The following ZFYVE9 variants were observed in gnomAD, a reference collection of about 807,000 sequenced individuals.
ZFYVE9 encodes zinc finger FYVE-type containing 9, also known as zinc finger FYVE domain-containing protein 9.
Under a neutral mutation model 126.7 loss-of-function variants are expected in ZFYVE9, and 43 were observed. The observed-to-expected ratio is 0.34, with a 90% CI of 0.27 to 0.44. The LOEUF (loss-of-function observed/expected upper bound fraction) is 0.44. Ranked by LOEUF, ZFYVE9 falls within the 20% of genes least tolerant of loss-of-function variation. The pLI, the probability that ZFYVE9 is intolerant of heterozygous loss-of-function variation, is 1.00. For missense variants in ZFYVE9, 1,476 were observed against 1,697.0 expected (o/e 0.87, Z 2.29); for synonymous variants, 521 against 597.4 (o/e 0.87, Z 1.87).
At chr1:52,226,941 A>T (rs575948245) in intron 2 of ZFYVE9, among the ~76,000 whole-genome samples, 1 of 152,278 alleles carries the variant, frequency 6.6e-6, no homozygotes, top group East Asian at 1.9e-4. Flanking sequence ...AATGGGAGGG[A>T]TGTTTGCCCT....
chr1:52,201,052 G>T (rs1415814475), intron 1 of ZFYVE9, among the ~76,000 whole-genome samples: 1 of 152,120 alleles, frequency 6.6e-6, no homozygotes, highest in Non-Finnish European at 1.5e-5. Context: ...GGATTGTGTT[G>T]AATCTGTAGA....
intron 4 of ZFYVE9, among the ~76,000 whole-genome samples, chr1:52,241,186 T>G (rs1368307589): frequency 6.6e-6 from 1 of 152,100 alleles, no homozygotes; most frequent in East Asian, 1.9e-4. Flanking sequence ...CTTAAATGTA[T>G]ACAATAAAAT....
intron 7 of ZFYVE9, among the ~76,000 whole-genome samples, chr1:52,272,007 T>C (rs1412865252): frequency 4.0e-5 from 6 of 151,870 alleles, no homozygotes; most frequent in Admixed American, 3.9e-4. Context: ...ACCTGGCAAA[T>C]TTTGTATTTT....
At chr1:52,193,394 A>C (rs1452193452) in intron 1 of ZFYVE9, among the ~76,000 whole-genome samples, 1 of 1,588 alleles carries the variant, frequency 6.3e-4, no homozygotes, top group Non-Finnish European at 2.8e-3. Flanking sequence ...TGTCAGTATC[A>C]AAAAAAAAAA....
chr1:52,306,182 G>T (rs1646083144), intron 13 of ZFYVE9, among the ~76,000 whole-genome samples: 1 of 152,176 alleles, frequency 6.6e-6, no homozygotes, highest in Non-Finnish European at 1.5e-5. Flanking sequence ...GGCTGTCCAT[G>T]CACCAGTCGG....
chr1:52,321,376 A>T (rs1349352841), intron 13 of ZFYVE9, among the ~76,000 whole-genome samples: 2 of 152,230 alleles, frequency 1.3e-5, no homozygotes, highest in African/African-American at 4.8e-5. Context: ...TCTTAAAGGA[A>T]TGAAAGGAGT....
At chr1:52,318,625 T>TA (rs1447261671) in intron 13 of ZFYVE9, among the ~76,000 whole-genome samples, 1 of 151,730 alleles carries the variant, frequency 6.6e-6, no homozygotes, top group Non-Finnish European at 1.5e-5. Flanking sequence ...ATTATATATA[T>TA]AAAAAAAGAC....
chr1:52,286,945 G>A (rs555477081), intron 10 of ZFYVE9, among the ~76,000 whole-genome samples: 66 of 151,942 alleles, frequency 4.3e-4, no homozygotes, highest in African/African-American at 1.5e-3. Flanking sequence ...ACTCCCAACC[G>A]TGCTATTTCC....
At chr1:52,224,736 CAG>C (rs1174418745) in intron 2 of ZFYVE9, among the ~76,000 whole-genome samples, 19 of 152,122 alleles carry the variant, frequency 1.2e-4, no homozygotes, top group South Asian at 2.1e-4. Flanking sequence ...AGGGGACTGT[CAG>C]GGGGAATTTT....
chr1:52,180,855 A>T (rs963760994), intron 1 of ZFYVE9, among the ~76,000 whole-genome samples: 8 of 151,668 alleles, frequency 5.3e-5, no homozygotes, highest in Admixed American at 3.3e-4. Flanking sequence ...CATGCCTGTA[A>T]TCCCAGTTAC....
At chr1:52,159,931 GACT>G (rs1274608385) in intron 1 of ZFYVE9, among the ~76,000 whole-genome samples, 2 of 151,872 alleles carry the variant, frequency 1.3e-5, no homozygotes, top group Non-Finnish European at 2.9e-5. Flanking sequence ...GAGTAGCTGG[GACT>G]ACAGGCACCC....
chr1:52,190,981 A>C (rs1297052962), intron 1 of ZFYVE9, among the ~76,000 whole-genome samples: 1 of 151,952 alleles, frequency 6.6e-6, no homozygotes, highest in African/African-American at 2.4e-5. Context: ...CTTCAGCTGT[A>C]GTACAGTGGC....
chr1:52,191,978 G>A (rs1644819803), intron 1 of ZFYVE9, among the ~76,000 whole-genome samples: 1 of 151,476 alleles, frequency 6.6e-6, no homozygotes, highest in Admixed American at 6.6e-5. Context: ...ATATTAAATG[G>A]ACATGGTCTT....
chr1:52,341,096 T>C (rs968153684), intron 17 of ZFYVE9, among the ~76,000 whole-genome samples: 2 of 152,154 alleles, frequency 1.3e-5, no homozygotes, highest in African/African-American at 4.8e-5. Flanking sequence ...GGTGCATGCC[T>C]GTAATCCCAG....
At chr1:52,252,344 TTTTTGTTTTGTTTTG>T (rs58602754) in intron 4 of ZFYVE9, 8,984 of 155,894 alleles carry the variant, frequency 0.058, 297 homozygotes, top group African/African-American at 0.077. Flanking sequence ...TTTTGGGGTT[TTTTTGTTTTGTTTTG>T]TTTTGTTTTG....
At chr1:52,314,778 C>T (rs1646167920) in intron 13 of ZFYVE9, among the ~76,000 whole-genome samples, 1 of 151,814 alleles carries the variant, frequency 6.6e-6, no homozygotes, top group Non-Finnish European at 1.5e-5. Context: ...CACCACTGCA[C>T]TCCAACTTGG....
chr1:52,237,340 AT>A, intron 3 of ZFYVE9, 147 bp from the exon 4 acceptor site: 1 of 721,744 alleles, frequency 1.4e-6, no homozygotes, highest in Non-Finnish European at 2.2e-6. Flanking sequence ...TGTCTGAAAT[AT>A]ATTTTCTTAT....
intron 4 of ZFYVE9, among the ~76,000 whole-genome samples, chr1:52,250,914 G>A (rs1452497681): frequency 6.6e-6 from 1 of 151,900 alleles, no homozygotes; most frequent in Admixed American, 6.6e-5. Context: ...GGTCTACTGT[G>A]TTGCCCAGGC....
intron 2 of ZFYVE9, among the ~76,000 whole-genome samples, chr1:52,220,966 C>A (rs1645119367): frequency 1.3e-5 from 2 of 152,150 alleles, no homozygotes; most frequent in Non-Finnish European, 2.9e-5. Context: ...TTTCTTCTGG[C>A]AGCTGAAGAT....
Sources: allele counts gnomAD v4.1 joint callset (sites outside exome capture counted in the v4.1 genomes callset), GRCh38; gene constraint gnomAD v4.1.1; transcripts MANE v1.5; gene names NCBI Gene and HGNC (gene_info 2026-07-23, HGNC 2026-07-21).